ZHX3: variants seen among roughly 807,000 people sequenced by gnomAD.
ZHX3 encodes the protein zinc fingers and homeoboxes protein 3.
Under a neutral mutation model 64.5 loss-of-function variants are expected in ZHX3, and 20 were observed. The observed-to-expected ratio is 0.31, with a 90% confidence interval of 0.22 to 0.45. The LOEUF (loss-of-function observed/expected upper bound fraction) is 0.45, where lower values mean the gene tolerates loss of function less well. ZHX3 is among the 20% of genes least tolerant of loss of function. The probability of loss-of-function intolerance (pLI) is 1.00; values close to 1 mark genes in which losing one functional copy is unlikely to be tolerated. For missense variants in ZHX3, 1,041 were observed against 1,195.8 expected, an observed-to-expected ratio of 0.87 and a Z score of 1.91; for synonymous variants, 423 against 461.6, an observed-to-expected ratio of 0.92 and a Z score of 1.07.
At chr20:41,267,853 A>T (rs774561626) in intron 2 of ZHX3, among the ~76,000 whole-genome samples, 1 of 152,238 alleles carries the variant, frequency 6.6e-6, no homozygotes, top group Non-Finnish European at 1.5e-5. Context: ...GACCAGTGTG[A>T]TGAAGCAGTC....
chr20:41,253,473 T>C (rs2042089839), intron 2 of ZHX3, among the ~76,000 whole-genome samples: 1 of 152,226 alleles, frequency 6.6e-6, no homozygotes, highest in Non-Finnish European at 1.5e-5. Context: ...TTTCTTCTTG[T>C]ATTTTATGGA....
intron 1 of ZHX3, among the ~76,000 whole-genome samples, chr20:41,302,074 A>G (rs1224364458): frequency 6.7e-6 from 1 of 148,186 alleles, no homozygotes; most frequent in Non-Finnish European, 1.5e-5. Flanking sequence ...AAAAAAAAAA[A>G]AAAAAAAAGG....
Position 41,203,354 on chromosome 20 carries a change from C to G in ZHX3, c.1563G>C (p.Gln521His), listed in dbSNP as rs199728287. ...CTTTTGTGAGATGTTCAACTTCGCT[C>G]TGCCCTGGGAACTGGTTCCGACAGA... ...GSFCRNQFPGQSEVEHLTKVT... is the reference protein window; with the variant it reads ...GSFCRNQFPGHSEVEHLTKVT... Residue 521 changes from glutamine (Q) to histidine (H), a missense_variant, in exon 3 of 4, where the codon CAG becomes CAC. Gln to His is a conservative substitution (Grantham distance 24). This residue lies in a region of ZHX3 where 649 missense variants were observed against 739.8 expected (regional missense o/e 0.88). Coordinates refer to ENST00000683867, the MANE Select transcript of ZHX3 (RefSeq NM_001384317.1). The surrounding 1 kb of genome is among the most constrained non-coding windows in gnomAD (Gnocchi z 7.1). 3.5e-5 allele frequency: 56 copies of G among 1,614,068 alleles called. No homozygotes were observed. The highest frequency in any genetic ancestry group is 4.7e-5 in the Non-Finnish European group (55 of 1,180,036).
chr20:41,233,638 A>G (rs1453638991), intron 2 of ZHX3, among the ~76,000 whole-genome samples: 2 of 152,234 alleles, frequency 1.3e-5, no homozygotes, highest in African/African-American at 2.4e-5. Flanking sequence ...ACGGGTGTAA[A>G]TAGATCAGCT....
intron 1 of ZHX3, among the ~76,000 whole-genome samples, chr20:41,284,741 C>T (rs1488837402): frequency 1.3e-5 from 2 of 152,144 alleles, no homozygotes; most frequent in Non-Finnish European, 2.9e-5. Flanking sequence ...TTCATCAAAC[C>T]CTCAGCATCA....
At chr20:41,236,517 G>A (rs2041002442) in intron 2 of ZHX3, among the ~76,000 whole-genome samples, 4 of 152,174 alleles carry the variant, frequency 2.6e-5, no homozygotes, top group Admixed American at 1.3e-4. Flanking sequence ...ACAAGAAATG[G>A]GGGAAGGATT....
At chr20:41,299,412 GA>G (rs1410399218) in intron 1 of ZHX3, among the ~76,000 whole-genome samples, 1 of 152,008 alleles carries the variant, frequency 6.6e-6, no homozygotes, top group South Asian at 2.1e-4. Flanking sequence ...ACTAAACATT[GA>G]AAAAAATCAA....
At chr20:41,247,019 G>A (rs1378396859) in intron 2 of ZHX3, among the ~76,000 whole-genome samples, 1 of 152,160 alleles carries the variant, frequency 6.6e-6, no homozygotes, top group African/African-American at 2.4e-5. Context: ...CTGGCACTAT[G>A]GGAGGCTAAG....
Position 41,181,503 on chromosome 20 carries a change from G to GA in ZHX3, c.*3687dup, listed in dbSNP as rs2036250562. 1 of 152,122 alleles carries GA rather than the reference G, an allele frequency of 6.6e-6. No homozygotes were observed. Among genetic ancestry groups the GA allele is most frequent in the South Asian group, 2.1e-4 (1 of 4,816 alleles). The allele number at this position is 152,122 out of a possible 1,614,324, so 9.4% of individuals were successfully genotyped here. A position where few individuals can be genotyped will look rare whatever the true frequency, so the allele number is the denominator to read the frequency against. Reference sequence around the variant, plus strand: ...CCACTTGGGGTGTGATATCTGAACTGAAAAAGCTGCACCAATCTGAGGATA... The same window carrying GA: ...CCACTTGGGGTGTGATATCTGAACTGAAAAAAGCTGCACCAATCTGAGGATA... On this transcript the variant is annotated 3_prime_UTR_variant, in exon 4 of 4. Coordinates refer to ENST00000683867, the MANE Select transcript of ZHX3 (RefSeq NM_001384317.1).
At chr20:41,306,847 G>A (rs1317270741) in intron 1 of ZHX3, among the ~76,000 whole-genome samples, 1 of 152,212 alleles carries the variant, frequency 6.6e-6, no homozygotes, top group East Asian at 1.9e-4. Flanking sequence ...ATGTTTTTCA[G>A]CTTCCTGGAA....
intron 3 of ZHX3, among the ~76,000 whole-genome samples, chr20:41,199,917 CCTCAAA>C (rs2038083549): frequency 6.6e-6 from 1 of 151,758 alleles, no homozygotes; most frequent in Non-Finnish European, 1.5e-5. Flanking sequence ...GCCAGGCTGG[CCTCAAA>C]CTCCTGACCT....
intron 2 of ZHX3, among the ~76,000 whole-genome samples, chr20:41,260,221 T>C (rs2146559987): frequency 6.7e-6 from 1 of 150,320 alleles, no homozygotes; most frequent in African/African-American, 2.4e-5. Flanking sequence ...ACTTTTACCA[T>C]CTTAAATAGT....
intron 2 of ZHX3, among the ~76,000 whole-genome samples, chr20:41,230,146 G>T (rs1380785531): frequency 6.6e-6 from 1 of 151,864 alleles, no homozygotes; most frequent in East Asian, 1.9e-4. Context: ...ATATTAAATA[G>T]ATGTTGAAAT....
intron 2 of ZHX3, among the ~76,000 whole-genome samples, chr20:41,267,183 T>C (rs1184661273): frequency 1.3e-5 from 2 of 152,324 alleles, no homozygotes; most frequent in East Asian, 1.9e-4. Flanking sequence ...AAAGCTTTCC[T>C]AGACATTAGT....
chr20:41,268,013 T>C (rs982345199), intron 2 of ZHX3, among the ~76,000 whole-genome samples: 4 of 152,172 alleles, frequency 2.6e-5, no homozygotes, highest in African/African-American at 9.7e-5. Context: ...CTACCCAAGA[T>C]TACGCCTGCA....
At chr20:41,191,846 G>A (rs2037046934) in intron 3 of ZHX3, among the ~76,000 whole-genome samples, 1 of 152,222 alleles carries the variant, frequency 6.6e-6, no homozygotes, top group Non-Finnish European at 1.5e-5. Context: ...GCTAAGGACT[G>A]GAATGCCAGG....
rs2036295880 is a variant in ZHX3, at chr20:41,182,895, C to T, written c.*2296G>A. ...TTTGCTGTTTGGGTTGTAAATTAAC[C>T]GTGAATACAAGTAACCAAGAAAATC... is the stretch of plus-strand genomic sequence containing the variant. On this transcript the variant is annotated 3_prime_UTR_variant, in exon 4 of 4. Transcript: ENST00000683867. The surrounding 1 kb of genome is among the most constrained non-coding windows in gnomAD (Gnocchi z 6.1). 1.3e-5 allele frequency: 2 copies of T among 152,268 alleles called. No individual in the cohort carries two copies. Among genetic ancestry groups the T allele is most frequent in the African/African-American group, 4.8e-5 (2 of 41,440 alleles). The allele number at this position is 152,268 out of a possible 1,614,324, so 9.4% of individuals were successfully genotyped here.
Position 41,204,874 on chromosome 20 carries a change from C to T in ZHX3, c.43G>A (p.Val15Met). ...RKSTTPCMIP[V>M]KTVVLQDASM... ...GCATCTTGCAACACCACAGTCTTCACTGGGATCATGCATGGTGTGGTGGAT... is the reference window on the plus strand; with the variant it reads ...GCATCTTGCAACACCACAGTCTTCATTGGGATCATGCATGGTGTGGTGGAT... The change falls in exon 3 of 4, where the codon GTG becomes ATG. Residue 15 changes from valine (V) to methionine (M), a missense_variant. This residue lies in a region of ZHX3 where 6 missense variants were observed against 20.3 expected (regional missense o/e 0.29). Transcript: ENST00000683867. This position sits in a 1 kb window ranked among gnomAD's most constrained non-coding sequence, Gnocchi z 6.6. 1.3e-6 allele frequency: 2 copies of T among 1,567,570 alleles called. No homozygotes were observed. Among genetic ancestry groups the T allele is most frequent in the South Asian group, 1.2e-5 (1 of 81,886 alleles).
In ZHX3 at chr20:41,264,206, C is replaced by T. The variant is rs544144093; in HGVS notation, c.-151+4784G>A. 7.3e-5 allele frequency among the ~76,000 whole-genome samples: 11 copies of T among 151,252 alleles called. No homozygotes were observed. The East Asian group carries it at 1.8e-3, about 24-fold the overall frequency. On this transcript the variant is annotated intron_variant, in intron 2 of 3. Transcript: ENST00000683867. ...GGCAGATTGCCTGAGCTCAGGAGTTCGTGACCAGCCTCGGCAACATGGTGA... is the reference window on the plus strand; with the variant it reads ...GGCAGATTGCCTGAGCTCAGGAGTTTGTGACCAGCCTCGGCAACATGGTGA...
Sources: gnomAD v4.1 joint callset for allele counts (sites outside exome capture counted in the v4.1 genomes callset) on GRCh38, gnomAD v4.1.1 for gene constraint, gnomAD v4.1.1 regional missense constraint, Gnocchi (gnomAD v3.1) non-coding constraint, MANE v1.5 for transcripts, NCBI Gene and HGNC (gene_info 2026-07-23, HGNC 2026-07-21) for gene names.